Variants in THSD7B observed in about 807,000 individuals in gnomAD.
THSD7B encodes thrombospondin type 1 domain containing 7B.
A neutral mutation model predicts 213.6 loss-of-function variants in THSD7B; 138 were observed. The observed-to-expected ratio is 0.65, with a 90% confidence interval of 0.56 to 0.74. The LOEUF (loss-of-function observed/expected upper bound fraction) is 0.74, where lower values mean the gene tolerates loss of function less well. THSD7B is among the 30% of genes least tolerant of loss of function. The probability of loss-of-function intolerance (pLI) is 0.00; values close to 1 mark genes in which losing one functional copy is unlikely to be tolerated. For missense variants in THSD7B, 1,931 were observed against 1,991.5 expected, an observed-to-expected ratio of 0.97 and a Z score of 0.58; for synonymous variants, 742 against 687.0, an observed-to-expected ratio of 1.08 and a Z score of -1.25.
chr2:136,798,085 GC>G (rs1457343001), intron 1 of THSD7B, among the ~76,000 whole-genome samples: 3 of 151,644 alleles, frequency 2.0e-5, no homozygotes, highest in Non-Finnish European at 2.9e-5. Context: ...CATTTCTTGG[GC>G]CCTTACAATC....
intron 15 of THSD7B, among the ~76,000 whole-genome samples, chr2:137,466,607 C>G (rs1687995784): frequency 6.6e-6 from 1 of 152,094 alleles, no homozygotes; most frequent in South Asian, 2.1e-4. Flanking sequence ...ATTGGACACG[C>G]CTACTCTAGA....
intron 24 of THSD7B, 92 bp downstream of exon 24, chr2:137,657,252 G>C (rs550332103): frequency 9.2e-6 from 11 of 1,198,962 alleles, no homozygotes; most frequent in Non-Finnish European, 1.3e-5. Context: ...TATAAACAAG[G>C]GGTGACTTGG....
chr2:137,203,581 C>A (rs1483426082), intron 7 of THSD7B, among the ~76,000 whole-genome samples: 4 of 151,794 alleles, frequency 2.6e-5, no homozygotes, highest in Admixed American at 1.3e-4. Flanking sequence ...GGAAAAAAAA[C>A]CTTTTTTTAT....
At chr2:137,371,617 C>T (rs1385659129) in intron 12 of THSD7B, among the ~76,000 whole-genome samples, 1 of 151,980 alleles carries the variant, frequency 6.6e-6, no homozygotes, top group Non-Finnish European at 1.5e-5. Flanking sequence ...TATTTTTGTT[C>T]TCTAGTTCTA....
rs182030750 is a variant in THSD7B, at chr2:137,441,364, C to A, written c.2960-9481C>A. 1.7e-4 allele frequency among the ~76,000 whole-genome samples: 26 copies of A among 152,154 alleles called. No individual in the cohort carries two copies. In the East Asian group the frequency reaches 2.5e-3, roughly 15 times the overall value. ...GCACCCTAGCCAAATTTATACTTCT[C>A]CTCAAACAAAAATTATTGTAGAGAA... On this transcript the variant is annotated intron_variant, in intron 14 of 27. Transcript: ENST00000409968.
At chr2:137,370,456 C>T (rs542424397) in intron 12 of THSD7B, among the ~76,000 whole-genome samples, 1 of 152,118 alleles carries the variant, frequency 6.6e-6, no homozygotes, top group African/African-American at 2.4e-5. Context: ...TTTGCTTCCC[C>T]ACTCTGAATG....
chr2:137,018,802 G>A (rs1440727522), intron 2 of THSD7B, among the ~76,000 whole-genome samples: 1 of 152,172 alleles, frequency 6.6e-6, no homozygotes, highest in Non-Finnish European at 1.5e-5. Context: ...TCTGTCAAGT[G>A]TTATCCCATT....
At chr2:137,434,068 C>G (rs2105044127) in intron 14 of THSD7B, among the ~76,000 whole-genome samples, 1 of 152,210 alleles carries the variant, frequency 6.6e-6, no homozygotes, top group African/African-American at 2.4e-5. Flanking sequence ...TGTCTTTATC[C>G]AAGTTGTTAA....
intron 6 of THSD7B, among the ~76,000 whole-genome samples, chr2:137,162,352 T>A (rs1680035240): frequency 6.6e-6 from 1 of 152,204 alleles, no homozygotes; most frequent in East Asian, 1.9e-4. Flanking sequence ...GAGTTGAATC[T>A]CATTGGCTGT....
intron 15 of THSD7B, among the ~76,000 whole-genome samples, chr2:137,503,826 A>G (rs1679769507): frequency 1.3e-5 from 2 of 152,114 alleles, no homozygotes; most frequent in South Asian, 4.1e-4. Context: ...AGAGATCAAG[A>G]CTATCCTGGC....
At chr2:137,514,883 G>T (rs145818606) in intron 15 of THSD7B, among the ~76,000 whole-genome samples, 2 of 152,186 alleles carry the variant, frequency 1.3e-5, no homozygotes, top group Non-Finnish European at 2.9e-5. Context: ...AATGAAGTTG[G>T]TTGGTTGCTC....
intron 2 of THSD7B, among the ~76,000 whole-genome samples, chr2:137,034,513 C>G (rs551844780): frequency 1.3e-5 from 2 of 152,272 alleles, no homozygotes; most frequent in Admixed American, 6.5e-5. Context: ...GTTTGCTGCA[C>G]TTATTAACCC....
At chr2:137,148,747 G>A (rs1204731790) in intron 5 of THSD7B, among the ~76,000 whole-genome samples, 1 of 152,144 alleles carries the variant, frequency 6.6e-6, no homozygotes, top group Non-Finnish European at 1.5e-5. Flanking sequence ...TTGAACTTGA[G>A]AGAGATGATT....
intron 2 of THSD7B, among the ~76,000 whole-genome samples, chr2:137,000,572 C>T (rs1036457731): frequency 2.0e-5 from 3 of 151,902 alleles, no homozygotes; most frequent in African/African-American, 7.3e-5. Context: ...ATTTTGGAAG[C>T]ATTGTTATAG....
chr2:136,956,464 C>T (rs898644669), intron 2 of THSD7B, among the ~76,000 whole-genome samples: 4 of 148,958 alleles, frequency 2.7e-5, no homozygotes, highest in Admixed American at 2.0e-4. Flanking sequence ...GTTCTCCCAT[C>T]GTTAGTGTCC....
rs141881248 is a variant in THSD7B at position 136,849,726 on chromosome 2, T to C, written c.-35-32418T>C. ...TAATGCACTCAAATAGCCTTCCAGA[T>C]TGCATTTCATTCTCTAGAGAAATAA... On this transcript the variant is annotated intron_variant, in intron 1 of 27. Transcript: ENST00000409968. 2.0e-5 allele frequency among the ~76,000 whole-genome samples: 3 copies of C among 152,288 alleles called. No individual in the cohort carries two copies. The East Asian group carries it at 5.8e-4, about 29-fold the overall frequency.
In THSD7B at chr2:136,889,717, C is replaced by T. The variant is rs57658626; in HGVS notation, c.139+7400C>T. Among the ~76,000 whole-genome samples, 1,496 of 152,236 alleles carry T rather than the reference C, an allele frequency of 9.8e-3. 26 individuals carry two copies. The highest frequency in any genetic ancestry group is 0.034 in the African/African-American group (1,407 of 41,522). ...TCATTAATTTATTCAAAGATTCAAG[C>T]GCAGTTCCAAGTGCTCTATTATATT... is the stretch of plus-strand genomic sequence containing the variant. On this transcript the variant is annotated intron_variant, in intron 2 of 27. Coordinates refer to ENST00000409968, the MANE Select transcript of THSD7B (RefSeq NM_001316349.2).
At chr2:137,407,257 G>T (rs1172548746) in intron 13 of THSD7B, among the ~76,000 whole-genome samples, 1 of 151,856 alleles carries the variant, frequency 6.6e-6, no homozygotes, top group African/African-American at 2.4e-5. Context: ...TATAAATATT[G>T]AAGAATAGCT....
chr2:137,559,160 A>G lies in THSD7B; in HGVS notation c.3139-4061A>G, dbSNP rs1243626989. On this transcript the variant is annotated intron_variant, in intron 15 of 27. Transcript: ENST00000409968. ...CTGCCCAAGGTAATTTATAGATTCA[A>G]TGCCATCCCCATCAAGCTACCAATG... Among the ~76,000 whole-genome samples the G allele has an allele frequency of 3.9e-5, 6 of 152,184 alleles. No individual in the cohort carries two copies. The South Asian group carries it at 1.0e-3, about 26-fold the overall frequency.
Sources: allele counts gnomAD v4.1 joint callset (sites outside exome capture counted in the v4.1 genomes callset), GRCh38; gene constraint gnomAD v4.1.1; transcripts MANE v1.5; gene names NCBI Gene and HGNC (gene_info 2026-07-23, HGNC 2026-07-21).